DGKE: variants seen among roughly 807,000 people sequenced by gnomAD.
DGKE encodes the protein DAG kinase epsilon.
In DGKE, 53 loss-of-function variants were observed where a neutral mutation model predicts 70.0. The observed-to-expected ratio is 0.76, with a 90% CI of 0.61 to 0.95. The LOEUF (loss-of-function observed/expected upper bound fraction) is 0.95, where lower values mean the gene tolerates loss of function less well. Ranked by LOEUF, DGKE falls within the 40% of genes least tolerant of loss-of-function variation. DGKE has a pLI of 0.00. For synonymous variants in DGKE, 291 were observed against 257.0 expected, an observed-to-expected ratio of 1.13 and a Z score of -1.27; for missense variants, 655 against 706.9, an observed-to-expected ratio of 0.93 and a Z score of 0.83.
intron 2 of DGKE, among the ~76,000 whole-genome samples, chr17:56,837,933 C>G (rs964399406): frequency 5.3e-5 from 8 of 152,068 alleles, no homozygotes; most frequent in African/African-American, 1.9e-4. Flanking sequence ...TCTACTTTGT[C>G]TGTAGATTTT....
chr17:56,845,935 A>G (rs958718299), intron 4 of DGKE, 126 bp downstream of exon 4: 17 of 1,057,486 alleles, frequency 1.6e-5, no homozygotes, highest in African/African-American at 1.5e-4. Context: ...AAGATCAGCC[A>G]TTTAAATATG....
intron 7 of DGKE, among the ~76,000 whole-genome samples, chr17:56,854,582 T>C (rs1375894697): frequency 6.6e-6 from 1 of 152,150 alleles, no homozygotes; most frequent in Non-Finnish European, 1.5e-5. Flanking sequence ...CCCAAAGTGC[T>C]GGGATTACAA....
At chr17:56,846,867 T>TA (rs1907318110) in intron 4 of DGKE, among the ~76,000 whole-genome samples, 1 of 152,212 alleles carries the variant, frequency 6.6e-6, no homozygotes, top group Non-Finnish European at 1.5e-5. Context: ...TTAACAGTAC[T>TA]ATAACAATAA....
At chr17:56,842,150 G>A (rs1480710941) in intron 2 of DGKE, among the ~76,000 whole-genome samples, 3 of 152,034 alleles carry the variant, frequency 2.0e-5, no homozygotes, top group Admixed American at 6.6e-5. Context: ...AAAAACAAAC[G>A]TATACACTAT....
chr17:56,861,892 G>A lies in DGKE; in HGVS notation c.1386G>A (p.Met462Ile), dbSNP rs2144298741. The change falls in exon 10 of 12, where the codon ATG becomes ATA. Residue 462 changes from methionine to isoleucine, a missense_variant. Transcript: ENST00000284061. Reference protein sequence around the residue: ...WGGGCRLWEGMGDETYPLARH... With the variant: ...WGGGCRLWEGIGDETYPLARH... Reference sequence around the variant, plus strand: ...GTGGCTGCAGACTATGGGAAGGGATGGGGGACGAGACTTACCCTCTAGCCA... The same window carrying A: ...GTGGCTGCAGACTATGGGAAGGGATAGGGGACGAGACTTACCCTCTAGCCA... 6.2e-7 allele frequency: 1 copy of A among 1,612,672 alleles called. No homozygotes were observed. The highest frequency in any genetic ancestry group is 8.5e-7 in the Non-Finnish European group (1 of 1,179,706).
Position 56,847,956 on chromosome 17 carries a change from C to A in DGKE, c.779C>A (p.Ala260Asp). The change falls in exon 5 of 12, where the codon GCC (alanine) becomes GAC (aspartate). Residue 260 changes from alanine to aspartate, a missense_variant. Transcript: ENST00000284061. ...GTAACTAAAACTCCTCCTATCAAAGCCCTACAACTCTGTACTCTTCTCCCA... is the reference window on the plus strand; with the variant it reads ...GTAACTAAAACTCCTCCTATCAAAGACCTACAACTCTGTACTCTTCTCCCA... ...FDVTKTPPIK[A>D]LQLCTLLPYY... The A allele has an allele frequency of 6.3e-7, 1 of 1,592,584 alleles. No homozygotes were observed. Among genetic ancestry groups the A allele is most frequent in the Non-Finnish European group, 8.6e-7 (1 of 1,169,492 alleles).
chr17:56,856,166 A>C lies in DGKE; in HGVS notation c.1099-346A>C, dbSNP rs369187922. ...ACCAGTAGCCTGGGTTGGGACTAAT[A>C]GAAGCTGAGAGCTTGGAGGCTGTGA... On this transcript the variant is annotated intron_variant, in intron 7 of 11. Transcript: ENST00000284061. Among the ~76,000 whole-genome samples, 6 of 152,284 alleles carry C rather than the reference A, an allele frequency of 3.9e-5. No individual in the cohort carries two copies. The South Asian group carries it at 1.0e-3, about 26-fold the overall frequency.
intron 2 of DGKE, among the ~76,000 whole-genome samples, chr17:56,841,046 T>C (rs1906949845): frequency 6.6e-6 from 1 of 152,014 alleles, no homozygotes; most frequent in African/African-American, 2.4e-5. Context: ...GTCGGGAGTT[T>C]TTGAGACCAG....
chr17:56,838,281 C>T (rs1237751200), intron 2 of DGKE, among the ~76,000 whole-genome samples: 1 of 152,182 alleles, frequency 6.6e-6, no homozygotes, highest in African/African-American at 2.4e-5. Flanking sequence ...TTTCTATATT[C>T]TATTGGTGTG....
intron 10 of DGKE, 38 bp from the exon 11 acceptor site, chr17:56,862,102 T>TG: frequency 2.5e-6 from 4 of 1,602,268 alleles, no homozygotes; most frequent in Non-Finnish European, 3.4e-6. Flanking sequence ...GATTTTTTAT[T>TG]GCATCATATA....
chr17:56,835,505 C>T (rs955650821), intron 2 of DGKE: 6 of 541,988 alleles, frequency 1.1e-5, no homozygotes, highest in African/African-American at 5.8e-5. Flanking sequence ...AACTTGGCTC[C>T]TAACGTTAAT....
Position 56,845,820 on chromosome 17 carries a change from A to G in DGKE, c.744+11A>G. On this transcript the variant is annotated intron_variant, in intron 4 of 11. Coordinates refer to ENST00000284061, the MANE Select transcript of DGKE (RefSeq NM_003647.3). ...TTGAATCCAGTCCAGGTAACTAAAG[A>G]AAAAAACTTTTTATATTAATGTTTT... 2 of 1,557,820 alleles carry G rather than the reference A, an allele frequency of 1.3e-6. No homozygotes were observed. Among genetic ancestry groups the G allele is most frequent in the South Asian group, 2.5e-5 (2 of 80,646 alleles).
chr17:56,843,624 C>A (rs949462111), intron 2 of DGKE, among the ~76,000 whole-genome samples: 4 of 151,864 alleles, frequency 2.6e-5, no homozygotes, highest in African/African-American at 9.7e-5. Flanking sequence ...GTAGTGAAAC[C>A]CCATCTCTAC....
chr17:56,848,122 A>ATG (rs1907418972), intron 5 of DGKE, 57 bp downstream of exon 5: 6 of 909,674 alleles, frequency 6.6e-6, no homozygotes, highest in Non-Finnish European at 7.1e-6. Flanking sequence ...TACTATACAT[A>ATG]TATATATATA....
At chr17:56,843,180 G>A (rs530409039) in intron 2 of DGKE, among the ~76,000 whole-genome samples, 2 of 152,256 alleles carry the variant, frequency 1.3e-5, no homozygotes, top group East Asian at 3.9e-4. Flanking sequence ...TTTTGTTTAT[G>A]TGGATCATAT....
chr17:56,841,315 T>C (rs187721047), intron 2 of DGKE, among the ~76,000 whole-genome samples: 79 of 151,908 alleles, frequency 5.2e-4, no homozygotes, highest in African/African-American at 1.8e-3. Flanking sequence ...CGGAAATACA[T>C]ATCTGTATAT....
At position 56,834,919 on chromosome 17, in the gene DGKE, C is replaced by G. The variant is rs746752889; in HGVS notation, c.124C>G (p.Leu42Val). Residue 42 changes from leucine to valine, a missense_variant, in exon 2 of 12, where the codon CTC (leucine) becomes GTC (valine). By Grantham distance (32) the Leu-to-Val change is conservative. Coordinates refer to ENST00000284061, the MANE Select transcript of DGKE (RefSeq NM_003647.3). ...LPVFITFWCS[L>V]QRSRRQLHRR... is the part of the protein sequence containing the mutation. Reference sequence around the variant, plus strand: ...GGTGTTCATCACCTTCTGGTGTAGCCTCCAGCGGTCGCGCCGGCAGCTGCA... The same window carrying G: ...GGTGTTCATCACCTTCTGGTGTAGCGTCCAGCGGTCGCGCCGGCAGCTGCA... 2 of 1,613,518 alleles carry G rather than the reference C, an allele frequency of 1.2e-6. No homozygotes were observed. Among genetic ancestry groups the G allele is most frequent in the Non-Finnish European group, 1.7e-6 (2 of 1,179,926 alleles).
chr17:56,868,549 G>A lies in DGKE; in HGVS notation c.*5758G>A, dbSNP rs1784692491. 1 of 152,244 alleles carries A rather than the reference G, an allele frequency of 6.6e-6. No individual in the cohort carries two copies. The highest frequency in any genetic ancestry group is 2.1e-4 in the South Asian group (1 of 4,836). 9.4% of individuals were successfully genotyped at this position (152,244 alleles called of 1,614,324 possible). ...TGTAACTACCACTTAATTATCTTGT[G>A]TTAATTGCTTTTGTTGTGTTGGGTC... On this transcript the variant is annotated 3_prime_UTR_variant, in exon 12 of 12. Coordinates refer to ENST00000284061, the MANE Select transcript of DGKE (RefSeq NM_003647.3).
At chr17:56,854,379 G>A (rs1450585622) in intron 7 of DGKE, among the ~76,000 whole-genome samples, 3 of 152,010 alleles carry the variant, frequency 2.0e-5, no homozygotes, top group South Asian at 4.2e-4. Flanking sequence ...CGTGATCACG[G>A]CTCACTGCAG....
Sources: gnomAD v4.1 joint callset for allele counts (sites outside exome capture counted in the v4.1 genomes callset) on GRCh38, gnomAD v4.1.1 for gene constraint, MANE v1.5 for transcripts, NCBI Gene and HGNC (gene_info 2026-07-23, HGNC 2026-07-21) for gene names.